The following ZC3H4 variants were observed in gnomAD, a reference collection of about 807,000 sequenced individuals.
ZC3H4 encodes the protein zinc finger CCCH domain-containing protein 4.
Under a neutral mutation model 108.3 loss-of-function variants are expected in ZC3H4, and 13 were observed. That is an observed-to-expected ratio of 0.12 (90% CI 0.08 to 0.19). The LOEUF is 0.19. Among genes scored for constraint, ZC3H4 ranks in the 10% least tolerant of loss-of-function variants. ZC3H4 has a pLI of 1.00. For synonymous variants in ZC3H4, 917 were observed against 749.6 expected, an observed-to-expected ratio of 1.22 and a Z score of -3.65; for missense variants, 1,734 against 1,838.8, an observed-to-expected ratio of 0.94 and a Z score of 1.04.
intron 2 of ZC3H4, among the ~76,000 whole-genome samples, chr19:47,099,821 TAA>T (rs34876026): frequency 0.033 from 3,415 of 103,060 alleles, 141 homozygotes; most frequent in African/African-American, 0.1. Flanking sequence ...TACAAGAGTT[TAA>T]AAAAAAAAAA....
chr19:47,077,199 G>A (rs945182539), intron 11 of ZC3H4, among the ~76,000 whole-genome samples: 6 of 150,812 alleles, frequency 4.0e-5, no homozygotes, highest in African/African-American at 7.3e-5. Flanking sequence ...TATCAGGTGC[G>A]GTGGTTCATG....
At chr19:47,074,364 C>T (rs890744947) in intron 11 of ZC3H4, among the ~76,000 whole-genome samples, 1 of 152,188 alleles carries the variant, frequency 6.6e-6, no homozygotes, top group Admixed American at 6.5e-5. Flanking sequence ...CTGTTTCTTC[C>T]CTGCTATATC....
In ZC3H4 at chr19:47,071,769, C is replaced by A. The variant is rs1473939838; in HGVS notation, c.2146+9G>T. On this transcript the variant is annotated intron_variant, in intron 13 of 14. Transcript: ENST00000253048. The stretch of plus-strand genomic sequence containing the variant: ...AGCCCCAGGCAGCCACACCTGGAGT[C>A]CCGCATACCTGCATCCCCCAGGAGT... 1 of 1,593,936 alleles carries A rather than the reference C, an allele frequency of 6.3e-7. No individual in the cohort carries two copies.
intron 4 of ZC3H4, among the ~76,000 whole-genome samples, chr19:47,091,209 T>C (rs922018850): frequency 2.8e-5 from 4 of 144,472 alleles, no homozygotes; most frequent in African/African-American, 1.0e-4. Flanking sequence ...GAGGCAGAGG[T>C]TGTAGTGAGC....
chr19:47,091,102 CAACAACA>C (rs2057724111), intron 4 of ZC3H4, among the ~76,000 whole-genome samples: 1 of 147,488 alleles, frequency 6.8e-6, no homozygotes, highest in African/African-American at 2.6e-5. Flanking sequence ...TGCAAAAATG[CAACAACA>C]ACAACAACAA....
At chr19:47,109,663 G>A (rs1170057265) in intron 2 of ZC3H4, among the ~76,000 whole-genome samples, 1 of 152,186 alleles carries the variant, frequency 6.6e-6, no homozygotes, top group Non-Finnish European at 1.5e-5. Context: ...TACGGCAGTT[G>A]TGAACATATT....
Position 47,066,224 on chromosome 19 carries a change from GAAAGCA to G in ZC3H4, c.*126_*131del, listed in dbSNP as rs1449576231. Reference sequence around the variant, plus strand: ...ACTTTAAAAAAAAATAAAAGAGACGGAAAGCAAAAGAAAAAGAAAAGAAAAAAGGAA... The same window carrying G: ...ACTTTAAAAAAAAATAAAAGAGACGGAAAGAAAAAGAAAAGAAAAAAGGAA... On this transcript the variant is annotated 3_prime_UTR_variant, in exon 15 of 15. Coordinates refer to ENST00000253048, the MANE Select transcript of ZC3H4 (RefSeq NM_015168.2). The G allele has an allele frequency of 3.3e-5, 22 of 664,220 alleles. No homozygotes were observed. The highest frequency in any genetic ancestry group is 9.0e-5 in the South Asian group (3 of 33,270). The allele number at this position is 664,220 out of a possible 1,614,324, so 41.1% of individuals were successfully genotyped here.
At chr19:47,104,034 CTT>C (rs2057938246) in intron 2 of ZC3H4, among the ~76,000 whole-genome samples, 1 of 151,170 alleles carries the variant, frequency 6.6e-6, no homozygotes, top group Non-Finnish European at 1.5e-5. Context: ...TAAAGAATTT[CTT>C]AGCCAGGCGC....
intron 4 of ZC3H4, 148 bp downstream of exon 4, chr19:47,093,822 T>A: frequency 1.7e-6 from 1 of 575,448 alleles, no homozygotes; most frequent in Non-Finnish European, 2.9e-6. Context: ...TTCAGTTTCC[T>A]CACTCATAAA....
intron 4 of ZC3H4, 102 bp downstream of exon 4, chr19:47,093,868 G>C: frequency 1.0e-6 from 1 of 997,362 alleles, no homozygotes; most frequent in South Asian, 1.6e-5. Flanking sequence ...GCCCAGGACT[G>C]AAACTCACAA....
Position 47,072,038 on chromosome 19 carries a change from T to C in ZC3H4, c.1886A>G (p.His629Arg). 6.3e-7 allele frequency: 1 copy of C among 1,587,704 alleles called. No homozygotes were observed. The highest frequency in any genetic ancestry group is 8.6e-7 in the Non-Finnish European group (1 of 1,166,774). The change falls in exon 13 of 15, where the codon CAT becomes CGT. Residue 629 changes from histidine (H) to arginine (R), a missense_variant. By Grantham distance (29) the His-to-Arg change is conservative. Coordinates refer to ENST00000253048, the MANE Select transcript of ZC3H4 (RefSeq NM_015168.2). This position sits in a 1 kb window ranked among gnomAD's most constrained non-coding sequence, Gnocchi z 5.6. ...GTGCATGTCGGGGTGCATGTCAGGA[T>C]GCATTGGACCGCCCATTGGCCCTGG... ...GPPGPMGGPM[H>R]PDMHPDMHPD... is the part of the protein sequence containing the mutation.
chr19:47,081,637 A>C lies in ZC3H4; in HGVS notation c.1331-15T>G. 3 of 1,607,804 alleles carry C rather than the reference A, an allele frequency of 1.9e-6. No homozygotes were observed. Among genetic ancestry groups the C allele is most frequent in the Non-Finnish European group, 2.6e-6 (3 of 1,174,290 alleles). ...CGGGAAATCACGTTCATGGCAAATT[A>C]AGGTAAATGCTTCATCTCACAGAAC... On this transcript the variant is annotated splice_polypyrimidine_tract_variant and intron_variant, in intron 10 of 14. Transcript: ENST00000253048.
chr19:47,065,614 C>G lies in ZC3H4; in HGVS notation c.*742G>C, dbSNP rs1014952870. The G allele has an allele frequency of 1.3e-5, 2 of 152,904 alleles. No homozygotes were observed. The highest frequency in any genetic ancestry group is 2.4e-5 in the African/African-American group (1 of 41,420). 9.5% of individuals were successfully genotyped at this position (152,904 alleles called of 1,614,324 possible). A position where few individuals can be genotyped will look rare whatever the true frequency, so the allele number is the denominator to read the frequency against. On this transcript the variant is annotated 3_prime_UTR_variant, in exon 15 of 15. Coordinates refer to ENST00000253048, the MANE Select transcript of ZC3H4 (RefSeq NM_015168.2). ...GGCTCTTCAGGACTCTGCCCCACACCGGCCCCCACTACCTTTGGGTCCAGT... is the reference window on the plus strand; with the variant it reads ...GGCTCTTCAGGACTCTGCCCCACACGGGCCCCCACTACCTTTGGGTCCAGT...
At position 47,066,477 on chromosome 19, in the gene ZC3H4, T is replaced by C. The variant is rs552736338; in HGVS notation, c.3791A>G (p.Lys1264Arg). 4.8e-5 allele frequency: 76 copies of C among 1,583,326 alleles called. No individual in the cohort carries two copies. In the South Asian group the frequency reaches 7.7e-4, roughly 16 times the overall value. Residue 1264 changes from lysine (K) to arginine (R), a missense_variant, in exon 15 of 15, where the codon AAG (lysine) becomes AGG (arginine). By Grantham distance (26) the Lys-to-Arg change is conservative. This residue lies in a region of ZC3H4 where 518 missense variants were observed against 499.6 expected (regional missense o/e 1.04). Coordinates refer to ENST00000253048, the MANE Select transcript of ZC3H4 (RefSeq NM_015168.2). Reference protein sequence around the residue: ...TLFGTVKQTPKTGSGSPFAGN... With the variant: ...TLFGTVKQTPRTGSGSPFAGN... The stretch of plus-strand genomic sequence containing the variant: ...AGCAAATGGGCTTCCTGAGCCCGTC[T>C]TGGGTGTCTGCTTCACCGTCCCGAA...
intron 2 of ZC3H4, among the ~76,000 whole-genome samples, chr19:47,099,821 TA>T (rs34876026): frequency 0.019 from 1,924 of 103,138 alleles, 22 homozygotes; most frequent in African/African-American, 0.047. Flanking sequence ...TACAAGAGTT[TA>T]AAAAAAAAAA....
rs746655816 is a variant in ZC3H4, at chr19:47,066,767, C to T, written c.3501G>A (p.Thr1167=). ...GGKATEPAAD[T]GAQPKGAEGN... is the part of the protein sequence containing the mutation. ...CCTCAGCACCCTTGGGCTGGGCACC[C>T]GTGTCAGCAGCCGGCTCTGTGGCTT... The change falls in exon 15 of 15, where the codon ACG becomes ACA. Residue 1167 remains threonine, a synonymous_variant. Transcript: ENST00000253048. The T allele has an allele frequency of 7.5e-6, 12 of 1,602,866 alleles. No individual in the cohort carries two copies. Among genetic ancestry groups the T allele is most frequent in the African/African-American group, 5.3e-5 (4 of 74,884 alleles).
At position 47,067,082 on chromosome 19, in the gene ZC3H4, G is replaced by A. The variant is rs370375244; in HGVS notation, c.3186C>T (p.Pro1062=). 1.0e-4 allele frequency: 164 copies of A among 1,609,302 alleles called. No individual in the cohort carries two copies. Among genetic ancestry groups the A allele is most frequent in the Middle Eastern group, 1.6e-4 (1 of 6,072 alleles). ...TVNATGSSAA[P]GSSDKPSDPR... ...GGTCACTGGGTTTGTCGCTGGAACC[G>A]GGGGCGGCCGAGGAGCCGGTGGCAT... is the stretch of plus-strand genomic sequence containing the variant. The change falls in exon 15 of 15, where the codon CCC becomes CCT. Residue 1062 remains proline (P), a synonymous_variant. Coordinates refer to ENST00000253048, the MANE Select transcript of ZC3H4 (RefSeq NM_015168.2). The surrounding 1 kb of genome is among the most constrained non-coding windows in gnomAD (Gnocchi z 6.4).
chr19:47,081,676 AC>A lies in ZC3H4; in HGVS notation c.1331-55del, dbSNP rs1383456196. 1.2e-5 allele frequency: 18 copies of A among 1,446,594 alleles called. No individual in the cohort carries two copies. The African/African-American group carries it at 1.7e-4, about 14-fold the overall frequency. 89.6% of individuals were successfully genotyped at this position (1,446,594 alleles called of 1,614,324 possible). ...ATCTCACAGAACGCCCCCCTCCCCC[AC>A]CACAGACCCAAGGCAGAATCCAGCT... On this transcript the variant is annotated intron_variant, in intron 10 of 14. Transcript: ENST00000253048.
intron 13 of ZC3H4, among the ~76,000 whole-genome samples, chr19:47,070,826 C>T (rs2057312449): frequency 1.3e-5 from 2 of 152,330 alleles, no homozygotes; most frequent in South Asian, 4.1e-4. Flanking sequence ...GCCCCATCCT[C>T]AATGCCGCTC....
Sources: allele counts gnomAD v4.1 joint callset (sites outside exome capture counted in the v4.1 genomes callset), GRCh38; gene constraint gnomAD v4.1.1; regional missense constraint gnomAD v4.1.1; non-coding constraint Gnocchi (gnomAD v3.1); transcripts MANE v1.5; gene names NCBI Gene and HGNC (gene_info 2026-07-23, HGNC 2026-07-21).